Variants in DMD observed in about 807,000 individuals in gnomAD.
The protein encoded by DMD is mutant dystrophin.
In DMD, 63 loss-of-function variants were observed where a neutral mutation model predicts 330.1. The ratio of observed to expected loss-of-function variants is 0.19; its 90% CI spans 0.16 to 0.24. The LOEUF (loss-of-function observed/expected upper bound fraction) is 0.24. DMD is among the 10% of genes least tolerant of loss of function. The pLI, the probability that DMD is intolerant of heterozygous loss-of-function variation, is 1.00. For synonymous variants in DMD, 1,223 were observed against 959.8 expected, an observed-to-expected ratio of 1.27 and a Z score of -5.07; for missense variants, 3,344 against 2,684.1, an observed-to-expected ratio of 1.25 and a Z score of -5.43.
intron 44 of DMD, among the ~76,000 whole-genome samples, chrX:31,979,578 G>T (rs1034684051): frequency 1.8e-5 from 2 of 109,861 alleles, no homozygotes; most frequent in Non-Finnish European, 3.8e-5. Flanking sequence ...TAAAAAGCAT[G>T]ATTAAATTCT....
chrX:32,655,638 G>A (rs2060508321), intron 9 of DMD, among the ~76,000 whole-genome samples: 2 of 112,075 alleles, frequency 1.8e-5, no homozygotes, highest in South Asian at 3.7e-4. Flanking sequence ...GGAGAGTTCT[G>A]TAGATGTCTA....
At chrX:32,591,955 G>T (rs768089556) in intron 13 of DMD, among the ~76,000 whole-genome samples, 1 of 112,882 alleles carries the variant, frequency 8.9e-6, no homozygotes, top group African/African-American at 3.2e-5. Context: ...GGTTATGTGT[G>T]TGCTCGGGAC....
chrX:31,898,230 G>T (rs1406261606), intron 47 of DMD, among the ~76,000 whole-genome samples: 1 of 110,314 alleles, frequency 9.1e-6, no homozygotes, highest in Non-Finnish European at 1.9e-5. Context: ...TCCCCATCAA[G>T]CTACCAATGC....
chrX:32,091,291 G>T (rs2096472705), intron 44 of DMD, among the ~76,000 whole-genome samples: 1 of 111,725 alleles, frequency 9.0e-6, no homozygotes, highest in Non-Finnish European at 1.9e-5. Flanking sequence ...AAACACCAGA[G>T]AATTCTTCCA....
chrX:31,237,826 G>T (rs7059476), intron 63 of DMD, among the ~76,000 whole-genome samples: 27,878 of 110,319 alleles, frequency 0.25, 3,386 homozygotes, highest in African/African-American at 0.47. Context: ...TTCAAGTGAT[G>T]CTTGTGCCTC....
intron 50 of DMD, among the ~76,000 whole-genome samples, chrX:31,814,461 C>A (rs1224433272): frequency 1.4e-5 from 1 of 72,758 alleles, no homozygotes; most frequent in Non-Finnish European, 2.3e-5. Context: ...CCAGCCTGGG[C>A]GACAGAGTGA....
chrX:32,952,983 A>T (rs1345701503), intron 2 of DMD, among the ~76,000 whole-genome samples: 2 of 109,688 alleles, frequency 1.8e-5, no homozygotes, highest in African/African-American at 6.6e-5. Flanking sequence ...AAAAATACAA[A>T]AAATAGTTGG....
intron 44 of DMD, among the ~76,000 whole-genome samples, chrX:32,116,524 T>C (rs1009823535): frequency 4.5e-5 from 5 of 110,807 alleles, no homozygotes; most frequent in Non-Finnish European, 3.8e-5. Flanking sequence ...AATGAACACA[T>C]TGAAGAGATC....
At chrX:32,430,796 A>C (rs2098235062) in intron 29 of DMD, among the ~76,000 whole-genome samples, 1 of 111,570 alleles carries the variant, frequency 9.0e-6, no homozygotes, top group Non-Finnish European at 1.9e-5. Flanking sequence ...TATGATTGGG[A>C]TCATGTATTA....
At chrX:33,063,353 G>C (rs2094604736) in intron 1 of DMD, among the ~76,000 whole-genome samples, 1 of 111,761 alleles carries the variant, frequency 8.9e-6, no homozygotes, top group African/African-American at 3.3e-5. Context: ...GCATGTATTT[G>C]AGGATGATAT....
chrX:31,905,888 T>C (rs1056477991), intron 47 of DMD, among the ~76,000 whole-genome samples: 1 of 111,847 alleles, frequency 8.9e-6, no homozygotes, highest in Non-Finnish European at 1.9e-5. Flanking sequence ...GCATGAAAAA[T>C]TATAAAGTGA....
intron 43 of DMD, among the ~76,000 whole-genome samples, chrX:32,232,997 G>C (rs776136008): frequency 2.7e-5 from 3 of 112,358 alleles, no homozygotes; most frequent in Admixed American, 9.4e-5. Flanking sequence ...TGTATGAAGC[G>C]TATGTGTTTG....
chrX:31,460,949 G>A (rs1382597123), intron 59 of DMD, among the ~76,000 whole-genome samples: 1 of 111,366 alleles, frequency 9.0e-6, no homozygotes, highest in South Asian at 3.7e-4. Flanking sequence ...GTCATCTGAA[G>A]CAACCCCAAA....
rs768565935 is a variant in DMD at position 31,437,159 on chromosome X, A to C, written c.9084+7322T>G. Among the ~76,000 whole-genome samples, 3 of 112,218 alleles carry C rather than the reference A, an allele frequency of 2.7e-5. No homozygotes were observed. In the East Asian group the frequency reaches 8.4e-4, roughly 31 times the overall value. On this transcript the variant is annotated intron_variant, in intron 60 of 78. Coordinates refer to ENST00000357033, the MANE Select transcript of DMD (RefSeq NM_004006.3). ...TGGAGAATTGCCACATAATAAAAGT[A>C]CTACTTAGTATCTGCTAATTGAGAA... is the stretch of plus-strand genomic sequence containing the variant.
intron 7 of DMD, among the ~76,000 whole-genome samples, chrX:32,732,553 C>G (rs953378859): frequency 8.1e-5 from 9 of 111,612 alleles, no homozygotes; most frequent in Non-Finnish European, 1.7e-4. Context: ...ATCACACTAA[C>G]AGCGGATCTC....
chrX:33,209,954 T>C (rs2148859244), intron 1 of DMD, among the ~76,000 whole-genome samples: 1 of 110,101 alleles, frequency 9.1e-6, no homozygotes, highest in South Asian at 3.8e-4. Context: ...TTGATGGTAT[T>C]TATGTTACAT....
chrX:32,360,482 A>C (rs971146550), intron 37 of DMD, among the ~76,000 whole-genome samples: 4 of 111,365 alleles, frequency 3.6e-5, no homozygotes, highest in Non-Finnish European at 7.5e-5. Context: ...TATTTTGTTA[A>C]TTAACATATA....
At chrX:32,294,592 G>A (rs376630132) in intron 42 of DMD, among the ~76,000 whole-genome samples, 39 of 111,364 alleles carry the variant, frequency 3.5e-4, no homozygotes, top group Admixed American at 5.7e-4. Context: ...TTACTAACGC[G>A]GGAAAACTTT....
intron 56 of DMD, among the ~76,000 whole-genome samples, chrX:31,504,041 T>C (rs969892286): frequency 9.0e-6 from 1 of 111,093 alleles, no homozygotes; most frequent in Non-Finnish European, 1.9e-5. Flanking sequence ...GCCTAGTACA[T>C]AGTAGGCATT....
Sources: gnomAD v4.1 joint callset for allele counts (sites outside exome capture counted in the v4.1 genomes callset) on GRCh38, gnomAD v4.1.1 for gene constraint, MANE v1.5 for transcripts, NCBI Gene and HGNC (gene_info 2026-07-23, HGNC 2026-07-21) for gene names.